IL1RAPL2: variants seen among roughly 807,000 people sequenced by gnomAD.
IL1RAPL2 encodes the protein X-linked interleukin-1 receptor accessory protein-like 2.
Under a neutral mutation model 44.1 loss-of-function variants are expected in IL1RAPL2, and 3 were observed. The observed-to-expected ratio is 0.07, with a 90% CI of 0.03 to 0.18. The LOEUF is 0.18. Among genes scored for constraint, IL1RAPL2 ranks in the 10% least tolerant of loss-of-function variants. IL1RAPL2 has a pLI of 1.00. For synonymous variants in IL1RAPL2, 181 were observed against 178.8 expected, an observed-to-expected ratio of 1.01 and a Z score of -0.10; for missense variants, 391 against 496.4, an observed-to-expected ratio of 0.79 and a Z score of 2.02.
intron 10 of IL1RAPL2, among the ~76,000 whole-genome samples, chrX:105,766,546 A>G (rs1461277949): frequency 1.8e-5 from 2 of 111,487 alleles, no homozygotes; most frequent in Non-Finnish European, 3.8e-5. Context: ...AAATAAAATT[A>G]AAGAAGAAAA....
intron 2 of IL1RAPL2, among the ~76,000 whole-genome samples, chrX:104,943,737 T>C (rs1289388209): frequency 9.0e-6 from 1 of 111,606 alleles, no homozygotes; most frequent in Non-Finnish European, 1.9e-5. Flanking sequence ...TACTCTTTTG[T>C]TTCTGTAAAA....
intron 2 of IL1RAPL2, among the ~76,000 whole-genome samples, chrX:104,904,056 G>A (rs139038761): frequency 0.054 from 5,923 of 110,514 alleles, 431 homozygotes; most frequent in African/African-American, 0.19. Flanking sequence ...TTTTGGGTCA[G>A]AAGATTCTGC....
At chrX:104,661,795 G>A (rs768030562) in intron 2 of IL1RAPL2, among the ~76,000 whole-genome samples, 2 of 111,711 alleles carry the variant, frequency 1.8e-5, no homozygotes, top group East Asian at 2.8e-4. Context: ...GTTTAAGCTC[G>A]CATGGATGTT....
chrX:105,665,344 CGTGTGTGT>C (rs58453498), intron 6 of IL1RAPL2, among the ~76,000 whole-genome samples: 3 of 98,550 alleles, frequency 3.0e-5, no homozygotes, highest in Non-Finnish European at 6.2e-5. Context: ...TATGCGCGTG[CGTGTGTGT>C]GTGTGTGTGT....
intron 5 of IL1RAPL2, among the ~76,000 whole-genome samples, chrX:105,421,718 G>A (rs376658066): frequency 6.6e-4 from 74 of 111,567 alleles, no homozygotes; most frequent in African/African-American, 2.3e-3. Flanking sequence ...CCATACATCA[G>A]TAGGCAGCTA....
At chrX:105,458,315 T>A (rs1348689740) in intron 5 of IL1RAPL2, among the ~76,000 whole-genome samples, 2 of 111,911 alleles carry the variant, frequency 1.8e-5, no homozygotes. Flanking sequence ...AAGTTCTTAA[T>A]TTGTAGTTTT....
intron 6 of IL1RAPL2, among the ~76,000 whole-genome samples, chrX:105,608,091 A>G (rs1050137215): frequency 9.0e-6 from 1 of 111,235 alleles, no homozygotes; most frequent in Admixed American, 9.6e-5. Context: ...ATTTAAGGGA[A>G]TACTCTGATT....
At chrX:105,282,689 C>T (rs1383259307) in intron 5 of IL1RAPL2, among the ~76,000 whole-genome samples, 1 of 111,444 alleles carries the variant, frequency 9.0e-6, no homozygotes, top group Non-Finnish European at 1.9e-5. Flanking sequence ...CATTGGAGCT[C>T]ATCTTACAGT....
chrX:104,726,121 A>ACAC (rs750774118), intron 2 of IL1RAPL2, among the ~76,000 whole-genome samples: 70 of 111,434 alleles, frequency 6.3e-4, no homozygotes, highest in Non-Finnish European at 1.1e-4. Flanking sequence ...AGTTTTCCCA[A>ACAC]CACCATTTAT....
chrX:105,420,651 T>C (rs1385549215), intron 5 of IL1RAPL2, among the ~76,000 whole-genome samples: 1 of 112,320 alleles, frequency 8.9e-6, no homozygotes, highest in Non-Finnish European at 1.9e-5. Flanking sequence ...CCTCAATTAG[T>C]AGCTATGCTG....
At chrX:104,786,926 T>TCTCTCTCTCC in intron 2 of IL1RAPL2, among the ~76,000 whole-genome samples, 1 of 12,135 alleles carries the variant, frequency 8.2e-5, no homozygotes, top group African/African-American at 2.4e-4. Context: ...ATATTCTCTC[T>TCTCTCTCTCC]CTCTCTCTCT....
chrX:104,837,167 T>C (rs1373136900), intron 2 of IL1RAPL2, among the ~76,000 whole-genome samples: 1 of 111,795 alleles, frequency 8.9e-6, no homozygotes, highest in African/African-American at 3.3e-5. Context: ...TTTGCTATTG[T>C]AAATAATGCT....
chrX:104,809,333 A>C (rs1252231923), intron 2 of IL1RAPL2, among the ~76,000 whole-genome samples: 1 of 111,681 alleles, frequency 9.0e-6, no homozygotes, highest in Non-Finnish European at 1.9e-5. Context: ...ACTAGTTTAC[A>C]GTCCCACCAA....
In IL1RAPL2 at chrX:105,250,038, A is replaced by G. The variant is rs563420034; in HGVS notation, c.543+16034A>G. Among the ~76,000 whole-genome samples, 53 of 111,003 alleles carry G rather than the reference A, an allele frequency of 4.8e-4. No individual in the cohort carries two copies. In the South Asian group the frequency reaches 5.8e-3, roughly 12 times the overall value. On this transcript the variant is annotated intron_variant, in intron 4 of 10. Transcript: ENST00000372582. ...TTATTCAGATATGAGAAAAAATGAT[A>G]TATCAAATCATAAAAAGACATGGAG... is the stretch of plus-strand genomic sequence containing the variant.
At chrX:105,171,884 C>T (rs1365301355) in intron 2 of IL1RAPL2, among the ~76,000 whole-genome samples, 2 of 112,136 alleles carry the variant, frequency 1.8e-5, no homozygotes, top group African/African-American at 6.5e-5. Flanking sequence ...CCTCCATGTC[C>T]ACCTCTACCA....
chrX:104,582,598 T>TTCTTTC (rs1415355499), intron 1 of IL1RAPL2, among the ~76,000 whole-genome samples: 3 of 28,987 alleles, frequency 1.0e-4, no homozygotes, highest in Non-Finnish European at 2.1e-4. Flanking sequence ...TTCTTTCTTT[T>TTCTTTC]TCTTTCTTTC....
At chrX:105,149,148 C>A (rs2033203675) in intron 2 of IL1RAPL2, among the ~76,000 whole-genome samples, 1 of 111,937 alleles carries the variant, frequency 8.9e-6, no homozygotes, top group Admixed American at 9.5e-5. Context: ...TAGTACGATG[C>A]TCTTATCTTT....
intron 7 of IL1RAPL2, among the ~76,000 whole-genome samples, chrX:105,735,674 G>C (rs926213065): frequency 1.5e-4 from 17 of 111,285 alleles, no homozygotes; most frequent in African/African-American, 5.5e-4. Flanking sequence ...GTACCACCCT[G>C]CTTTGCCTTA....
At chrX:104,654,721 T>A (rs1285610485) in intron 1 of IL1RAPL2, among the ~76,000 whole-genome samples, 1 of 111,365 alleles carries the variant, frequency 9.0e-6, no homozygotes, top group Non-Finnish European at 1.9e-5. Context: ...AAGTCATTGG[T>A]AGGTTGATGA....
Sources: allele counts gnomAD v4.1 joint callset (sites outside exome capture counted in the v4.1 genomes callset), GRCh38; gene constraint gnomAD v4.1.1; transcripts MANE v1.5; gene names NCBI Gene and HGNC (gene_info 2026-07-23, HGNC 2026-07-21).